RNF175: variants seen among roughly 807,000 people sequenced by gnomAD.
The protein encoded by RNF175 is ring finger protein 175.
Under a neutral mutation model 50.0 loss-of-function variants are expected in RNF175, and 38 were observed. The observed-to-expected ratio is 0.76, with a 90% CI of 0.59 to 1.00. The LOEUF (loss-of-function observed/expected upper bound fraction) is 1.00. RNF175 is among the 50% of genes least tolerant of loss of function. The pLI is 0.00. For synonymous variants in RNF175, 155 were observed against 146.1 expected (o/e 1.06, Z -0.44); for missense variants, 388 against 409.6 (o/e 0.95, Z 0.46).
intron 3 of RNF175, among the ~76,000 whole-genome samples, chr4:153,731,388 T>A (rs996798075): frequency 7.2e-5 from 11 of 152,200 alleles, no homozygotes; most frequent in Admixed American, 6.5e-4. Context: ...CATCTGGGCA[T>A]GTGTGTATAA....
At chr4:153,730,618 G>T (rs529894422) in intron 3 of RNF175, among the ~76,000 whole-genome samples, 1 of 152,022 alleles carries the variant, frequency 6.6e-6, no homozygotes, top group African/African-American at 2.4e-5. Context: ...ATCATCTGTC[G>T]TTTGCATTTT....
intron 1 of RNF175, among the ~76,000 whole-genome samples, chr4:153,755,671 A>C (rs1467091962): frequency 8.6e-5 from 12 of 139,958 alleles, no homozygotes; most frequent in African/African-American, 2.3e-4. Flanking sequence ...CACCCCCGCA[A>C]AAAAAATGAG....
chr4:153,724,075 A>G (rs1054511943), intron 4 of RNF175, among the ~76,000 whole-genome samples: 1 of 152,008 alleles, frequency 6.6e-6, no homozygotes, highest in Non-Finnish European at 1.5e-5. Flanking sequence ...TCCTGCGTGT[A>G]CCCCAGCACC....
At chr4:153,743,549 G>A (rs557134575) in intron 3 of RNF175, among the ~76,000 whole-genome samples, 43 of 152,154 alleles carry the variant, frequency 2.8e-4, no homozygotes, top group Non-Finnish European at 4.7e-4. Flanking sequence ...CTATGGTGGG[G>A]GCAACTTTAT....
At chr4:153,756,006 A>G (rs908549763) in intron 1 of RNF175, among the ~76,000 whole-genome samples, 9 of 152,224 alleles carry the variant, frequency 5.9e-5, no homozygotes, top group African/African-American at 9.6e-5. Flanking sequence ...CATCTGTAAT[A>G]AAAAAGCCCA....
At chr4:153,719,645 A>G (rs1738202279) in intron 6 of RNF175, among the ~76,000 whole-genome samples, 1 of 152,266 alleles carries the variant, frequency 6.6e-6, no homozygotes, top group South Asian at 2.1e-4. Context: ...GATTAAAAAA[A>G]TTCTAGGTAA....
At chr4:153,715,237 C>T (rs1737830942) in intron 7 of RNF175, 1 of 437,500 alleles carries the variant, frequency 2.3e-6, no homozygotes, top group African/African-American at 2.0e-5. Context: ...TCACTTATGA[C>T]TTCAACCAAT....
chr4:153,716,968 T>C (rs1239040129), intron 6 of RNF175, among the ~76,000 whole-genome samples: 2 of 152,200 alleles, frequency 1.3e-5, no homozygotes, highest in Non-Finnish European at 2.9e-5. Context: ...GCCAAACAAG[T>C]GGGTATCATA....
intron 3 of RNF175, among the ~76,000 whole-genome samples, chr4:153,744,495 G>A (rs1229459084): frequency 1.3e-5 from 2 of 152,146 alleles, no homozygotes; most frequent in East Asian, 3.8e-4. Context: ...AGGGCTCCTG[G>A]AGCATTGTTT....
At chr4:153,722,747 G>A (rs1738419966) in intron 5 of RNF175, among the ~76,000 whole-genome samples, 1 of 143,846 alleles carries the variant, frequency 7.0e-6, no homozygotes, top group African/African-American at 2.6e-5. Flanking sequence ...TAAATTTTCT[G>A]GTAGGTGCAT....
chr4:153,749,696 G>GT (rs1245989093), intron 2 of RNF175, among the ~76,000 whole-genome samples: 2 of 152,164 alleles, frequency 1.3e-5, no homozygotes, highest in Admixed American at 6.5e-5. Flanking sequence ...GACCTTGTCT[G>GT]TAAGTTAGGA....
chr4:153,752,526 A>G (rs1455547047), intron 1 of RNF175, among the ~76,000 whole-genome samples: 1 of 152,214 alleles, frequency 6.6e-6, no homozygotes, highest in African/African-American at 2.4e-5. Flanking sequence ...ATACTTTTCT[A>G]TTTCATCCAA....
intron 6 of RNF175, among the ~76,000 whole-genome samples, chr4:153,719,556 C>T (rs553494594): frequency 4.6e-5 from 7 of 152,128 alleles, no homozygotes; most frequent in Non-Finnish European, 1.0e-4. Flanking sequence ...ATCAGGAATA[C>T]ATCTAACTCC....
At chr4:153,730,156 G>GC (rs1325161309) in intron 3 of RNF175, among the ~76,000 whole-genome samples, 6 of 152,334 alleles carry the variant, frequency 3.9e-5, no homozygotes, top group African/African-American at 1.4e-4. Context: ...AAAGTATGCA[G>GC]CACCATGGCC....
At chr4:153,717,176 C>T (rs778530674) in intron 6 of RNF175, among the ~76,000 whole-genome samples, 2 of 152,160 alleles carry the variant, frequency 1.3e-5, no homozygotes, top group Non-Finnish European at 2.9e-5. Context: ...ACTACTATTA[C>T]TATTTTGTTG....
intron 2 of RNF175, 164 bp from the exon 3 acceptor site, chr4:153,748,950 T>C (rs1740145445): frequency 1.9e-5 from 12 of 624,080 alleles, no homozygotes; most frequent in Middle Eastern, 4.6e-4. Flanking sequence ...GTAAAGTTTT[T>C]CTAAGTTTTT....
At chr4:153,735,947 T>C (rs1054597490) in intron 3 of RNF175, among the ~76,000 whole-genome samples, 7 of 152,254 alleles carry the variant, frequency 4.6e-5, no homozygotes, top group African/African-American at 1.7e-4. Context: ...TTTTTCTTTC[T>C]AATCTGCATA....
At chr4:153,756,949 AAG>A (rs1336141919) in intron 1 of RNF175, among the ~76,000 whole-genome samples, 1 of 152,138 alleles carries the variant, frequency 6.6e-6, no homozygotes, top group Non-Finnish European at 1.5e-5. Context: ...TTCAAACAGT[AAG>A]AGTGTTCCCA....
chr4:153,721,179 A>G (rs1337353763), intron 5 of RNF175, among the ~76,000 whole-genome samples: 3 of 152,072 alleles, frequency 2.0e-5, no homozygotes, highest in Non-Finnish European at 2.9e-5. Context: ...CTTAAGGGAA[A>G]GATCTCTTTT....
Sources: gnomAD v4.1 joint callset for allele counts (sites outside exome capture counted in the v4.1 genomes callset) on GRCh38, gnomAD v4.1.1 for gene constraint, MANE v1.5 for transcripts, NCBI Gene and HGNC (gene_info 2026-07-23, HGNC 2026-07-21) for gene names.